Variants in DCDC2C observed in about 807,000 individuals in gnomAD.
The protein encoded by DCDC2C is doublecortin domain containing 2C.
Under a neutral mutation model 45.0 loss-of-function variants are expected in DCDC2C, and 44 were observed. The ratio of observed to expected loss-of-function variants is 0.98; its 90% CI spans 0.77 to 1.26. DCDC2C has a LOEUF of 1.26. Among genes scored for constraint, DCDC2C ranks in the 50% most tolerant of loss-of-function variants. DCDC2C has a pLI of 0.00. For missense variants in DCDC2C, 447 were observed against 468.9 expected, an observed-to-expected ratio of 0.95 and a Z score of 0.43; for synonymous variants, 187 against 178.8, an observed-to-expected ratio of 1.05 and a Z score of -0.37.
chr2:3,815,034 G>A (rs992022357), intron 10 of DCDC2C, among the ~76,000 whole-genome samples: 1 of 152,276 alleles, frequency 6.6e-6, no homozygotes, highest in Non-Finnish European at 1.5e-5. Flanking sequence ...TTAGACAGCA[G>A]GCAGCTGCAG....
intron 10 of DCDC2C, among the ~76,000 whole-genome samples, chr2:3,831,829 A>G (rs1280167488): frequency 6.6e-6 from 1 of 152,232 alleles, no homozygotes; most frequent in African/African-American, 2.4e-5. Context: ...CCTCATCTAC[A>G]AAAGGAACTG....
chr2:3,843,706 C>T (rs534042998), intron 10 of DCDC2C, among the ~76,000 whole-genome samples: 1 of 152,308 alleles, frequency 6.6e-6, no homozygotes, highest in South Asian at 2.1e-4. Context: ...CTTTCTTTTT[C>T]ATTTTACTAA....
At chr2:3,812,194 A>T (rs1572635086) in intron 10 of DCDC2C, among the ~76,000 whole-genome samples, 1 of 148,674 alleles carries the variant, frequency 6.7e-6, no homozygotes, top group Non-Finnish European at 1.5e-5. Flanking sequence ...TCAGCTGTAA[A>T]TCCATATGGT....
At chr2:3,755,091 G>T (rs1007502160) in intron 6 of DCDC2C, among the ~76,000 whole-genome samples, 1 of 152,178 alleles carries the variant, frequency 6.6e-6, no homozygotes, top group Non-Finnish European at 1.5e-5. Flanking sequence ...ATATGTGTGT[G>T]TATGTACTGG....
At chr2:3,828,647 C>T (rs952850195) in intron 10 of DCDC2C, among the ~76,000 whole-genome samples, 1 of 152,178 alleles carries the variant, frequency 6.6e-6, no homozygotes, top group Non-Finnish European at 1.5e-5. Flanking sequence ...AGGGAATGAG[C>T]CCATTTCACA....
intron 7 of DCDC2C, among the ~76,000 whole-genome samples, chr2:3,768,083 T>C (rs944031860): frequency 7.9e-5 from 12 of 152,014 alleles, no homozygotes; most frequent in African/African-American, 2.9e-4. Flanking sequence ...CTGAAGGCAA[T>C]GGGATTCTCT....
At chr2:3,752,937 G>GA in intron 5 of DCDC2C, 37 bp downstream of exon 5, 1 of 1,533,240 alleles carries the variant, frequency 6.5e-7, no homozygotes. Context: ...CTGAGTTTTG[G>GA]AAAAAAATTA....
At chr2:3,758,877 G>A (rs1289094923) in intron 6 of DCDC2C, among the ~76,000 whole-genome samples, 1 of 152,170 alleles carries the variant, frequency 6.6e-6, no homozygotes, top group Admixed American at 6.5e-5. Flanking sequence ...CCAGCAGGAT[G>A]TCACAAACTA....
intron 10 of DCDC2C, among the ~76,000 whole-genome samples, chr2:3,790,080 A>G (rs1670764489): frequency 6.6e-6 from 1 of 152,226 alleles, no homozygotes; most frequent in African/African-American, 2.4e-5. Context: ...ATTGAAATCC[A>G]CCAGACTGAC....
intron 8 of DCDC2C, among the ~76,000 whole-genome samples, chr2:3,776,957 A>G (rs558165814): frequency 1.3e-4 from 20 of 151,980 alleles, no homozygotes; most frequent in African/African-American, 4.3e-4. Context: ...ATCATCTTGG[A>G]CTCTGTAGTT....
At chr2:3,814,152 G>T (rs1012490894) in intron 10 of DCDC2C, among the ~76,000 whole-genome samples, 1 of 151,848 alleles carries the variant, frequency 6.6e-6, no homozygotes, top group Non-Finnish European at 1.5e-5. Flanking sequence ...CCTCCTTTTG[G>T]TACTCCAGTC....
intron 2 of DCDC2C, among the ~76,000 whole-genome samples, chr2:3,725,602 T>G (rs1170022546): frequency 6.8e-6 from 1 of 147,376 alleles, no homozygotes; most frequent in African/African-American, 2.5e-5. Context: ...GGCTGCCAGG[T>G]GGATCCTGGA....
At chr2:3,727,531 G>C (rs1572564257) in intron 3 of DCDC2C, among the ~76,000 whole-genome samples, 1 of 152,148 alleles carries the variant, frequency 6.6e-6, no homozygotes, top group African/African-American at 2.4e-5. Flanking sequence ...GGCCCTCATG[G>C]GCTACAGCAC....
intron 10 of DCDC2C, among the ~76,000 whole-genome samples, chr2:3,812,210 G>A (rs59027348): frequency 0.1 from 15,099 of 146,194 alleles, 1,028 homozygotes; most frequent in East Asian, 0.32. Context: ...ATGGTCCTGG[G>A]CTTTTTTTTT....
In DCDC2C at chr2:3,703,899, C is replaced by A; in HGVS notation, c.148C>A (p.Leu50Ile). ...AATFEALLEQ[L>I]TEQVDVPFGV... ...CACCTTCGAGGCGCTGCTGGAGCAGCTCACGGAGCAGGTGGACGTCCCGTT... is the reference window on the plus strand; with the variant it reads ...CACCTTCGAGGCGCTGCTGGAGCAGATCACGGAGCAGGTGGACGTCCCGTT... Residue 50 changes from leucine to isoleucine, a missense_variant, in exon 1 of 11, where the codon CTC becomes ATC. By Grantham distance (5) the Leu-to-Ile change is conservative. Coordinates refer to ENST00000399143, the MANE Select transcript of DCDC2C (RefSeq NM_001287444.2). This position sits in a 1 kb window ranked among gnomAD's most constrained non-coding sequence, Gnocchi z 4.4. The A allele has an allele frequency of 7.5e-7, 1 of 1,337,626 alleles. No individual in the cohort carries two copies. Among genetic ancestry groups the A allele is most frequent in the Non-Finnish European group, 9.6e-7 (1 of 1,039,826 alleles). The allele number at this position is 1,337,626 out of a possible 1,614,324, so 82.9% of individuals were successfully genotyped here.
intron 10 of DCDC2C, among the ~76,000 whole-genome samples, chr2:3,835,967 C>G (rs1182805042): frequency 6.6e-6 from 1 of 152,142 alleles, no homozygotes; most frequent in Non-Finnish European, 1.5e-5. Flanking sequence ...TGATCTCGAA[C>G]TCCTGGCCTC....
At chr2:3,727,181 T>TCCTCC (rs1318720603) in intron 3 of DCDC2C, 102 bp downstream of exon 3, 59 of 915,156 alleles carry the variant, frequency 6.4e-5, no homozygotes, top group Admixed American at 3.0e-4. Flanking sequence ...TTTCTGTCCC[T>TCCTCC]CCTCCCCTCC....
intron 8 of DCDC2C, among the ~76,000 whole-genome samples, chr2:3,776,582 T>C (rs867279669): frequency 6.6e-6 from 1 of 152,212 alleles, no homozygotes; most frequent in African/African-American, 2.4e-5. Context: ...TGGCCGCTCG[T>C]TGTCCTTCTC....
At chr2:3,813,813 A>G (rs1671484707) in intron 10 of DCDC2C, among the ~76,000 whole-genome samples, 1 of 144,208 alleles carries the variant, frequency 6.9e-6, no homozygotes, top group Non-Finnish European at 1.5e-5. Flanking sequence ...GTGTCTTTGC[A>G]CATGAGATAG....
Sources: allele counts gnomAD v4.1 joint callset (sites outside exome capture counted in the v4.1 genomes callset), GRCh38; gene constraint gnomAD v4.1.1; non-coding constraint Gnocchi (gnomAD v3.1); transcripts MANE v1.5; gene names NCBI Gene and HGNC (gene_info 2026-07-23, HGNC 2026-07-21).